Variants in WWOX observed in about 807,000 individuals in gnomAD.
The protein encoded by WWOX is WW domain containing oxidoreductase, also known as WW domain-containing oxidoreductase.
Under a neutral mutation model 46.2 loss-of-function variants are expected in WWOX, and 69 were observed. The ratio of observed to expected loss-of-function variants is 1.49; its 90% CI spans 1.23 to 1.82. WWOX has a LOEUF of 1.82. Among genes scored for constraint, WWOX ranks in the 40% most tolerant of loss-of-function variants. The pLI, the probability that WWOX is intolerant of heterozygous loss-of-function variation, is 0.00. For synonymous variants in WWOX, 359 were observed against 202.6 expected, an observed-to-expected ratio of 1.77 and a Z score of -6.56; for missense variants, 919 against 542.6, an observed-to-expected ratio of 1.69 and a Z score of -6.89.
At chr16:78,873,603 A>C (rs1426920652) in intron 8 of WWOX, 1 of 152,032 alleles carries the variant, frequency 6.6e-6, no homozygotes, top group East Asian at 1.9e-4. Flanking sequence ...CCTGGGGAAC[A>C]TACTGACACC....
chr16:79,150,241 C>A (rs558734286), intron 8 of WWOX, among the ~76,000 whole-genome samples: 1 of 152,284 alleles, frequency 6.6e-6, no homozygotes, highest in South Asian at 2.1e-4. Flanking sequence ...TGTCAAAGAG[C>A]AGCACTGAAC....
intron 4 of WWOX, among the ~76,000 whole-genome samples, chr16:78,121,666 G>GTT (rs58400596): frequency 9.0e-5 from 13 of 145,108 alleles, no homozygotes; most frequent in Non-Finnish European, 1.5e-4. Context: ...TGGTGTTTCA[G>GTT]TTTTTTTTTT....
intron 8 of WWOX, among the ~76,000 whole-genome samples, chr16:78,849,319 C>G (rs544776202): frequency 2.0e-5 from 3 of 152,094 alleles, no homozygotes; most frequent in East Asian, 3.9e-4. Context: ...GCCTGTAATC[C>G]CAGCACTTTG....
At chr16:79,057,404 C>G (rs1232776273) in intron 8 of WWOX, among the ~76,000 whole-genome samples, 2 of 152,164 alleles carry the variant, frequency 1.3e-5, no homozygotes, top group Non-Finnish European at 2.9e-5. Flanking sequence ...GCATTTTTAC[C>G]AACTGTTTTT....
intron 8 of WWOX, among the ~76,000 whole-genome samples, chr16:78,949,351 A>C (rs997925698): frequency 6.6e-6 from 1 of 152,106 alleles, no homozygotes; most frequent in Non-Finnish European, 1.5e-5. Flanking sequence ...CAGCAATAGA[A>C]AATCTGATAC....
At chr16:79,123,291 A>T (rs1448324662) in intron 8 of WWOX, among the ~76,000 whole-genome samples, 1 of 151,846 alleles carries the variant, frequency 6.6e-6, no homozygotes, top group South Asian at 2.1e-4. Context: ...CTAAGTTTAG[A>T]CGCCCTCCTA....
At chr16:78,836,470 A>G (rs1029653082) in intron 8 of WWOX, among the ~76,000 whole-genome samples, 1 of 151,804 alleles carries the variant, frequency 6.6e-6, no homozygotes, top group Non-Finnish European at 1.5e-5. Context: ...GGTGGCATCC[A>G]CTCTTCTAGT....
rs577406702 is a variant in WWOX, at chr16:78,975,745, C to T, written c.1057-235863C>T. ...ATAGGCAACACAGAGCCAATTGAGGCCTTTGGGCAAGCGGAGGTCATGATG... is the reference window on the plus strand; with the variant it reads ...ATAGGCAACACAGAGCCAATTGAGGTCTTTGGGCAAGCGGAGGTCATGATG... On this transcript the variant is annotated intron_variant, in intron 8 of 8. Transcript: ENST00000566780. Among the ~76,000 whole-genome samples the T allele has an allele frequency of 5.9e-5, 9 of 152,236 alleles. 1 individual carries two copies. Among genetic ancestry groups the T allele is most frequent in the African/African-American group, 2.2e-4 (9 of 41,530 alleles).
At chr16:78,437,813 C>T (rs118068120) in intron 8 of WWOX, among the ~76,000 whole-genome samples, 2,264 of 152,240 alleles carry the variant, frequency 0.015, 25 homozygotes, top group Non-Finnish European at 0.023. Context: ...TCACATCATA[C>T]GTGCATTACA....
chr16:78,742,634 G>A (rs558077844), intron 8 of WWOX, among the ~76,000 whole-genome samples: 10 of 152,176 alleles, frequency 6.6e-5, no homozygotes, highest in Non-Finnish European at 1.5e-4. Flanking sequence ...CCCTGGCTGC[G>A]CTGGTGACTC....
At chr16:78,949,586 A>G (rs185582876) in intron 8 of WWOX, among the ~76,000 whole-genome samples, 1 of 152,330 alleles carries the variant, frequency 6.6e-6, no homozygotes, top group Admixed American at 6.5e-5. Flanking sequence ...GTCATGCTGT[A>G]CTACTTTTAA....
At chr16:78,129,633 G>C (rs899966511) in intron 4 of WWOX, among the ~76,000 whole-genome samples, 4 of 151,980 alleles carry the variant, frequency 2.6e-5, no homozygotes, top group Non-Finnish European at 5.9e-5. Flanking sequence ...CTGGTTGGTG[G>C]CCTGGAGCCT....
intron 8 of WWOX, among the ~76,000 whole-genome samples, chr16:79,130,490 C>G (rs994579711): frequency 1.3e-5 from 2 of 152,012 alleles, no homozygotes; most frequent in South Asian, 4.2e-4. Context: ...GAGAAGATGT[C>G]CTTTGAGCTG....
intron 8 of WWOX, among the ~76,000 whole-genome samples, chr16:78,734,201 G>A (rs1216509411): frequency 1.3e-5 from 2 of 152,144 alleles, no homozygotes; most frequent in South Asian, 2.1e-4. Flanking sequence ...AAATTGGAAT[G>A]TTAGGTGTTA....
At chr16:79,005,244 T>C (rs868204873) in intron 8 of WWOX, among the ~76,000 whole-genome samples, 10 of 152,060 alleles carry the variant, frequency 6.6e-5, no homozygotes, top group African/African-American at 2.4e-4. Context: ...CAGCTAAGTT[T>C]CCCAAGAGCC....
intron 8 of WWOX, among the ~76,000 whole-genome samples, chr16:78,930,365 C>T (rs1312188324): frequency 6.6e-6 from 1 of 151,056 alleles, no homozygotes; most frequent in African/African-American, 2.4e-5. Context: ...GCAGCCTCAA[C>T]CTCCTGGGCT....
chr16:79,209,248 G>C (rs1472857716), intron 8 of WWOX, among the ~76,000 whole-genome samples: 4 of 152,332 alleles, frequency 2.6e-5, no homozygotes, highest in Non-Finnish European at 5.9e-5. Context: ...GGAAAAGGTA[G>C]GTCCCCAGCT....
At chr16:78,749,112 C>T (rs1404859973) in intron 8 of WWOX, among the ~76,000 whole-genome samples, 1 of 152,186 alleles carries the variant, frequency 6.6e-6, no homozygotes. Flanking sequence ...TGGACCGAGG[C>T]TATGGTGGCA....
At chr16:78,105,317 C>T (rs557727598) in intron 1 of WWOX, among the ~76,000 whole-genome samples, 7 of 152,096 alleles carry the variant, frequency 4.6e-5, no homozygotes, top group African/African-American at 1.7e-4. Flanking sequence ...CAAAAATTAT[C>T]CCGGCATGGT....
Sources: allele counts gnomAD v4.1 joint callset (sites outside exome capture counted in the v4.1 genomes callset), GRCh38; gene constraint gnomAD v4.1.1; transcripts MANE v1.5; gene names NCBI Gene and HGNC (gene_info 2026-07-23, HGNC 2026-07-21).